CRYBG3: variants seen among roughly 807,000 people sequenced by gnomAD.
The protein encoded by CRYBG3 is very large A-kinase anchor protein.
CRYBG3 carries 127 observed loss-of-function variants against 244.2 expected under a neutral mutation model. The ratio of observed to expected loss-of-function variants is 0.52; its 90% CI spans 0.45 to 0.60. The LOEUF (loss-of-function observed/expected upper bound fraction) is 0.60. CRYBG3 is among the 20% of genes least tolerant of loss of function. The pLI is 0.00. For synonymous variants in CRYBG3, 1,132 were observed against 1,195.8 expected (o/e 0.95, Z 1.10); for missense variants, 3,325 against 3,442.5 (o/e 0.97, Z 0.85).
At chr3:97,851,103 A>T (rs2038979665) in intron 2 of CRYBG3, among the ~76,000 whole-genome samples, 2 of 150,364 alleles carry the variant, frequency 1.3e-5, no homozygotes, top group Non-Finnish European at 2.9e-5. Context: ...ACTGCACTCC[A>T]GCCTGGGTGA....
At chr3:97,918,188 A>G (rs1212137246) in intron 17 of CRYBG3, among the ~76,000 whole-genome samples, 1 of 152,186 alleles carries the variant, frequency 6.6e-6, no homozygotes, top group Non-Finnish European at 1.5e-5. Flanking sequence ...CAGACATGCT[A>G]TGGCTTGGTG....
At chr3:97,866,533 G>A (rs1157862467) in intron 3 of CRYBG3, among the ~76,000 whole-genome samples, 1 of 152,204 alleles carries the variant, frequency 6.6e-6, no homozygotes, top group Non-Finnish European at 1.5e-5. Context: ...ATCTCTGCAG[G>A]AGTGGGGCCC....
chr3:97,881,290 G>A, intron 7 of CRYBG3, 71 bp downstream of exon 7: 1 of 1,036,612 alleles, frequency 9.6e-7, no homozygotes, highest in Non-Finnish European at 1.4e-6. Flanking sequence ...GCTGTGGCCT[G>A]GCGATGTTTA....
Position 97,912,246 on chromosome 3 carries a change from T to C in CRYBG3, c.8084T>C (p.Met2695Thr). ...GAAACTTCTGATTTGACTTCACTCATGCCATGTTCTTTTAAAGTTCTTCGA... is the reference window on the plus strand; with the variant it reads ...GAAACTTCTGATTTGACTTCACTCACGCCATGTTCTTTTAAAGTTCTTCGA... Reference protein sequence around the residue: ...TEETSDLTSLMPCSFKVLRGC... With the variant: ...TEETSDLTSLTPCSFKVLRGC... The change falls in exon 16 of 22, where the codon ATG becomes ACG. Residue 2695 changes from methionine to threonine, a missense_variant. Physicochemically the swap from Met to Thr is moderately conservative, Grantham distance 81. Transcript: ENST00000389622. 1 of 1,605,012 alleles carries C rather than the reference T, an allele frequency of 6.2e-7. No individual in the cohort carries two copies. The highest frequency in any genetic ancestry group is 8.5e-7 in the Non-Finnish European group (1 of 1,174,862).
chr3:97,881,288 C>T (rs909167463), intron 7 of CRYBG3, 69 bp downstream of exon 7: 9 of 1,060,252 alleles, frequency 8.5e-6, no homozygotes, highest in Non-Finnish European at 1.2e-5. Context: ...GTGCTGTGGC[C>T]TGGCGATGTT....
chr3:97,858,373 T>C (rs1312060819), intron 2 of CRYBG3, among the ~76,000 whole-genome samples: 1 of 152,082 alleles, frequency 6.6e-6, no homozygotes, highest in Admixed American at 6.5e-5. Flanking sequence ...AAAGGACCTT[T>C]TGAGGTTGAA....
In CRYBG3 at chr3:97,898,989, G is replaced by T. The variant is rs371664346; in HGVS notation, c.7808G>T (p.Gly2603Val). 2.5e-6 allele frequency: 4 copies of T among 1,612,928 alleles called. No individual in the cohort carries two copies. Among genetic ancestry groups the T allele is most frequent in the Non-Finnish European group, 3.4e-6 (4 of 1,179,586 alleles). The change falls in exon 13 of 22, where the codon GGC (glycine) becomes GTC (valine). Residue 2603 changes from glycine (G) to valine (V), a missense_variant. Physicochemically the swap from Gly to Val is moderately radical, Grantham distance 109. Coordinates refer to ENST00000389622, the MANE Select transcript of CRYBG3 (RefSeq NM_153605.4). ...TCTGATTTGGAAGAAATTGGCTTTG[G>T]CAGTAAAACAAGATCCATTCATGTT... ...EISDLEEIGF[G>V]SKTRSIHVKS...
At position 97,872,757 on chromosome 3, in the gene CRYBG3, T is replaced by C. The variant is rs769742242; in HGVS notation, c.1563T>C (p.Asn521=). The C allele has an allele frequency of 2.0e-6, 3 of 1,535,664 alleles. No homozygotes were observed. In the South Asian group the frequency reaches 3.6e-5, roughly 18 times the overall value. Residue 521 remains asparagine (N), a synonymous_variant, in exon 4 of 22, where the codon AAT becomes AAC. Coordinates refer to ENST00000389622, the MANE Select transcript of CRYBG3 (RefSeq NM_153605.4). The stretch of plus-strand genomic sequence containing the variant: ...TGTCTGCCCAAGACTCACAGAAAAA[T>C]GTGGCTGTTAGAGAAATCAGGCGAG... ...KRLSAQDSQK[N]VAVREIRRET...
Position 97,872,083 on chromosome 3 carries a change from C to G in CRYBG3, c.889C>G (p.Leu297Val). ...AGACTCATCTATGAAAGGAAATCTA[C>G]TTGAAGGCCCATTAGAAGACTCTGA... ...STDSSMKGNL[L>V]EGPLEDSDCS... is the part of the protein sequence containing the mutation. Residue 297 changes from leucine to valine, a missense_variant, in exon 4 of 22, where the codon CTT becomes GTT. This residue lies in a region of CRYBG3 where 1,526 missense variants were observed against 1,443.2 expected (regional missense o/e 1.06). Transcript: ENST00000389622. 6.5e-7 allele frequency: 1 copy of G among 1,535,820 alleles called. No homozygotes were observed. Among genetic ancestry groups the G allele is most frequent in the Non-Finnish European group, 8.7e-7 (1 of 1,146,746 alleles).
At chr3:97,863,952 T>C (rs1576529457) in intron 2 of CRYBG3, among the ~76,000 whole-genome samples, 1 of 152,272 alleles carries the variant, frequency 6.6e-6, no homozygotes, top group East Asian at 1.9e-4. Context: ...TGCTCTCACT[T>C]CTACCAAGTC....
chr3:97,918,431 A>G (rs573384327), intron 17 of CRYBG3, among the ~76,000 whole-genome samples: 1 of 152,246 alleles, frequency 6.6e-6, no homozygotes, highest in South Asian at 2.1e-4. Context: ...CCTTAAGCAA[A>G]TCTCTTAATT....
intron 1 of CRYBG3, among the ~76,000 whole-genome samples, chr3:97,830,908 C>T (rs924920022): frequency 2.0e-5 from 3 of 152,096 alleles, no homozygotes; most frequent in Non-Finnish European, 4.4e-5. Flanking sequence ...GTGGTCTGTG[C>T]TTTCTATACT....
In CRYBG3 at chr3:97,854,264, A is replaced by G. The variant is rs74446992; in HGVS notation, c.217-9953A>G. On this transcript the variant is annotated intron_variant, in intron 2 of 21. Coordinates refer to ENST00000389622, the MANE Select transcript of CRYBG3 (RefSeq NM_153605.4). ...AAGTCAAGTAAAGTGATGCCTCCAG[A>G]TTTGTTTTTTTGTTGTTGTTTGTTT... 4.7e-3 allele frequency among the ~76,000 whole-genome samples: 709 copies of G among 151,756 alleles called. 3 individuals carry two copies. Among genetic ancestry groups the G allele is most frequent in the African/African-American group, 0.015 (640 of 41,406 alleles).
chr3:97,932,930 A>G (rs9844662), intron 17 of CRYBG3, among the ~76,000 whole-genome samples: 1 of 151,874 alleles, frequency 6.6e-6, no homozygotes, highest in East Asian at 1.9e-4. Context: ...TCTGCTAAAA[A>G]TAATCTAGCT....
chr3:97,922,208 A>C (rs2039991615), intron 17 of CRYBG3, among the ~76,000 whole-genome samples: 1 of 152,192 alleles, frequency 6.6e-6, no homozygotes, highest in Admixed American at 6.5e-5. Flanking sequence ...TAAAGACTTA[A>C]ATGTTAGACC....
chr3:97,908,851 G>T (rs753155004), intron 15 of CRYBG3, among the ~76,000 whole-genome samples: 4 of 152,074 alleles, frequency 2.6e-5, no homozygotes, highest in East Asian at 1.9e-4. Context: ...CTGGATGGTC[G>T]TTACATTTTG....
At chr3:97,844,100 G>A (rs2038862845) in intron 2 of CRYBG3, among the ~76,000 whole-genome samples, 1 of 152,054 alleles carries the variant, frequency 6.6e-6, no homozygotes, top group Non-Finnish European at 1.5e-5. Flanking sequence ...ACTATATAAT[G>A]CCCAAGTACA....
chr3:97,903,386 A>G (rs1199977770), intron 15 of CRYBG3, among the ~76,000 whole-genome samples: 1 of 152,228 alleles, frequency 6.6e-6, no homozygotes, highest in African/African-American at 2.4e-5. Flanking sequence ...GAATTATTTC[A>G]GTAAAGAAAG....
chr3:97,925,594 A>G (rs2040031367), intron 17 of CRYBG3, among the ~76,000 whole-genome samples: 1 of 152,136 alleles, frequency 6.6e-6, no homozygotes, highest in African/African-American at 2.4e-5. Context: ...ATGTTACAAT[A>G]GAATACATTT....
Sources: gnomAD v4.1 joint callset for allele counts (sites outside exome capture counted in the v4.1 genomes callset) on GRCh38, gnomAD v4.1.1 for gene constraint, gnomAD v4.1.1 regional missense constraint, MANE v1.5 for transcripts, NCBI Gene and HGNC (gene_info 2026-07-23, HGNC 2026-07-21) for gene names.